EGFR: variants seen among roughly 807,000 people sequenced by gnomAD.
EGFR encodes epidermal growth factor receptor.
A neutral mutation model predicts 143.0 loss-of-function variants in EGFR; 58 were observed. The ratio of observed to expected loss-of-function variants is 0.41; its 90% confidence interval spans 0.33 to 0.50. The LOEUF is 0.50. Among genes scored for constraint, EGFR ranks in the 20% least tolerant of loss-of-function variants. The probability of loss-of-function intolerance (pLI) is 0.39; values close to 1 mark genes in which losing one functional copy is unlikely to be tolerated. For missense variants in EGFR, 1,307 were observed against 1,579.0 expected, an observed-to-expected ratio of 0.83 and a Z score of 2.92; for synonymous variants, 613 against 594.4, an observed-to-expected ratio of 1.03 and a Z score of -0.45.
intron 3 of EGFR, among the ~76,000 whole-genome samples, chr7:55,146,117 G>A (rs565937271): frequency 3.9e-5 from 6 of 151,944 alleles, no homozygotes; most frequent in East Asian, 1.9e-4. Flanking sequence ...TTCTTGTTTC[G>A]TGTCACTCTC....
At chr7:55,084,947 T>G (rs913346893) in intron 1 of EGFR, among the ~76,000 whole-genome samples, 3 of 152,242 alleles carry the variant, frequency 2.0e-5, no homozygotes, top group Non-Finnish European at 4.4e-5. Flanking sequence ...TCTTCCATAG[T>G]CAGGCATATT....
intron 22 of EGFR, among the ~76,000 whole-genome samples, chr7:55,196,802 T>G (rs1787640832): frequency 6.6e-6 from 1 of 152,016 alleles, no homozygotes; most frequent in South Asian, 2.1e-4. Context: ...TTTGTCAACT[T>G]TGTCAACGAT....
intron 1 of EGFR, among the ~76,000 whole-genome samples, chr7:55,080,342 A>G (rs989520253): frequency 6.6e-6 from 1 of 151,494 alleles, no homozygotes; most frequent in African/African-American, 2.4e-5. Context: ...TGTGGTATAC[A>G]TACACAATGG....
At chr7:55,027,078 A>G (rs1000553791) in intron 1 of EGFR, among the ~76,000 whole-genome samples, 1 of 152,174 alleles carries the variant, frequency 6.6e-6, no homozygotes. Context: ...AACTGCTGAT[A>G]TACTCCAGGC....
At chr7:55,201,051 G>A (rs2128971208) in intron 24 of EGFR, 137 bp from the exon 25 acceptor site, 2 of 1,076,278 alleles carry the variant, frequency 1.9e-6, no homozygotes, top group Non-Finnish European at 2.8e-6. Context: ...ATAATTTAGA[G>A]AACCAAGGGG....
intron 1 of EGFR, among the ~76,000 whole-genome samples, chr7:55,103,264 T>C (rs1791927661): frequency 6.6e-6 from 1 of 152,216 alleles, no homozygotes; most frequent in Non-Finnish European, 1.5e-5. Context: ...CTTCAGTGTG[T>C]GTCCTCTCTG....
intron 1 of EGFR, among the ~76,000 whole-genome samples, chr7:55,040,163 G>C (rs1002276811): frequency 3.3e-5 from 5 of 152,156 alleles, no homozygotes; most frequent in Non-Finnish European, 5.9e-5. Flanking sequence ...CTTGAGTTCT[G>C]CATCAGGCTT....
chr7:55,019,191 C>A lies in EGFR; in HGVS notation c.-87C>A. The A allele has an allele frequency of 8.6e-7, 1 of 1,162,762 alleles. No homozygotes were observed. The highest frequency in any genetic ancestry group is 1.2e-6 in the Non-Finnish European group (1 of 850,956). 72.0% of individuals were successfully genotyped at this position (1,162,762 alleles called of 1,614,324 possible). Reference sequence around the variant, plus strand: ...GCGTCCGCCCGAGTCCCCGCCTCGCCGCCAACGCCACAACCACCGCGCACG... The same window carrying A: ...GCGTCCGCCCGAGTCCCCGCCTCGCAGCCAACGCCACAACCACCGCGCACG... On this transcript the variant is annotated 5_prime_UTR_variant, in exon 1 of 28. Coordinates refer to ENST00000275493, the MANE Select transcript of EGFR (RefSeq NM_005228.5).
chr7:55,070,306 T>TC (rs1789745727), intron 1 of EGFR, among the ~76,000 whole-genome samples: 1 of 152,136 alleles, frequency 6.6e-6, no homozygotes, highest in Non-Finnish European at 1.5e-5. Flanking sequence ...AAGTTCTGAG[T>TC]CCCCTGGTAT....
chr7:55,103,557 G>A (rs1027268536), intron 1 of EGFR, among the ~76,000 whole-genome samples: 2 of 152,178 alleles, frequency 1.3e-5, no homozygotes, highest in African/African-American at 4.8e-5. Context: ...ACAAGCTAAG[G>A]AAGAAAGCTG....
At chr7:55,194,654 G>A (rs904727392) in intron 22 of EGFR, among the ~76,000 whole-genome samples, 9 of 152,134 alleles carry the variant, frequency 5.9e-5, no homozygotes, top group South Asian at 2.1e-4. Flanking sequence ...CTCCCGTCAC[G>A]CTCCAGGCAT....
At chr7:55,120,619 G>A (rs746961812) in intron 1 of EGFR, among the ~76,000 whole-genome samples, 1 of 152,174 alleles carries the variant, frequency 6.6e-6, no homozygotes, top group Non-Finnish European at 1.5e-5. Context: ...CTCCATCCGG[G>A]CGGAGACTGT....
intron 1 of EGFR, among the ~76,000 whole-genome samples, chr7:55,021,558 G>A (rs931242679): frequency 4.6e-5 from 7 of 152,210 alleles, no homozygotes; most frequent in Non-Finnish European, 8.8e-5. Flanking sequence ...GAGAACAGAC[G>A]CTATTCCATT....
At chr7:55,192,981 T>C (rs1463525582) in intron 22 of EGFR, 140 bp downstream of exon 22, 1 of 832,026 alleles carries the variant, frequency 1.2e-6, no homozygotes, top group Non-Finnish European at 2.0e-6. Context: ...CATTGCTGTC[T>C]ATCTATTGTA....
intron 1 of EGFR, among the ~76,000 whole-genome samples, chr7:55,105,478 G>A (rs1792075504): frequency 6.6e-6 from 1 of 152,250 alleles, no homozygotes; most frequent in African/African-American, 2.4e-5. Context: ...ATAAAACAGA[G>A]TCTTTCATGA....
intron 15 of EGFR, chr7:55,170,841 C>T (rs1274160835): frequency 7.1e-7 from 1 of 1,412,378 alleles, no homozygotes; most frequent in African/African-American, 1.4e-5. Context: ...TCCTTCTGCC[C>T]CTCTGTTTGA....
At chr7:55,191,582 T>C in intron 20 of EGFR, 137 bp from the exon 21 acceptor site, 1 of 1,065,842 alleles carries the variant, frequency 9.4e-7, no homozygotes, top group Non-Finnish European at 1.4e-6. Flanking sequence ...TTTGGATCAG[T>C]AGTCACTAAC....
rs778901010 is a variant in EGFR at position 55,155,929 on chromosome 7, A to G, written c.989A>G (p.Glu330Gly). 3.7e-6 allele frequency: 6 copies of G among 1,613,758 alleles called. No homozygotes were observed. In the South Asian group the frequency reaches 5.5e-5, roughly 15 times the overall value. ...GGCGTCCGCAAGTGTAAGAAGTGCG[A>G]AGGGCCTTGCCGCAAAGGTAGGAAG... ...EDGVRKCKKCEGPCRKVCNGI... is the reference protein window; with the variant it reads ...EDGVRKCKKCGGPCRKVCNGI... Residue 330 changes from glutamate (E) to glycine (G), a missense_variant, in exon 8 of 28, where the codon GAA (glutamate) becomes GGA (glycine). Transcript: ENST00000275493.
chr7:55,106,270 G>A (rs561977329), intron 1 of EGFR, among the ~76,000 whole-genome samples: 14 of 152,226 alleles, frequency 9.2e-5, no homozygotes, highest in African/African-American at 2.7e-4. Context: ...CCAGCAGTAC[G>A]TTGAACAGTG....
Sources: allele counts gnomAD v4.1 joint callset (sites outside exome capture counted in the v4.1 genomes callset), GRCh38; gene constraint gnomAD v4.1.1; transcripts MANE v1.5; gene names NCBI Gene and HGNC (gene_info 2026-07-23, HGNC 2026-07-21).